BBX: variants seen among roughly 807,000 people sequenced by gnomAD.
BBX encodes BBX high mobility group box domain containing.
In BBX, 30 loss-of-function variants were observed where a neutral mutation model predicts 100.2. The ratio of observed to expected loss-of-function variants is 0.30; its 90% CI spans 0.22 to 0.41. BBX has a LOEUF of 0.41. Among genes scored for constraint, BBX ranks in the 10% least tolerant of loss-of-function variants. The pLI is 1.00. For synonymous variants in BBX, 376 were observed against 388.1 expected, an observed-to-expected ratio of 0.97 and a Z score of 0.37; for missense variants, 1,023 against 1,129.8, an observed-to-expected ratio of 0.91 and a Z score of 1.35.
rs772806132 is a variant in BBX, at chr3:107,716,730, T to C, written c.286T>C (p.Ser96Pro). ...TCTTTTATTTTGCAAACGCCATCGC[T>C]CTCTTGTACGTCAGGAACACCCCAG... ...AFLLFCKRHRSLVRQEHPRLD... is the reference protein window; with the variant it reads ...AFLLFCKRHRPLVRQEHPRLD... Residue 96 changes from serine to proline, a missense_variant, in exon 5 of 18, where the codon TCT (serine) becomes CCT (proline). Ser to Pro is a moderately conservative substitution (Grantham distance 74). Transcript: ENST00000325805. The C allele has an allele frequency of 1.2e-6, 2 of 1,613,810 alleles. No homozygotes were observed. The highest frequency in any genetic ancestry group is 2.2e-5 in the South Asian group (2 of 91,084).
chr3:107,792,235 G>A (rs1261380498), intron 15 of BBX, among the ~76,000 whole-genome samples: 1 of 152,154 alleles, frequency 6.6e-6, no homozygotes, highest in Non-Finnish European at 1.5e-5. Context: ...TATTTTAAAA[G>A]AGCTGACATT....
At chr3:107,589,765 A>G (rs2053163202) in intron 2 of BBX, among the ~76,000 whole-genome samples, 1 of 152,216 alleles carries the variant, frequency 6.6e-6, no homozygotes. Flanking sequence ...GAATTTCTCC[A>G]TGCCTGTTTT....
At chr3:107,552,815 G>T (rs2049802393) in intron 2 of BBX, among the ~76,000 whole-genome samples, 1 of 152,158 alleles carries the variant, frequency 6.6e-6, no homozygotes, top group Admixed American at 6.5e-5. Flanking sequence ...CTGAAGCACA[G>T]ATATATTTCA....
intron 2 of BBX, among the ~76,000 whole-genome samples, chr3:107,643,455 G>C (rs1370209096): frequency 6.6e-6 from 1 of 152,066 alleles, no homozygotes. Flanking sequence ...CTTGAAAAGG[G>C]AAAGACAAGT....
chr3:107,629,866 T>C (rs2056438197), intron 2 of BBX, among the ~76,000 whole-genome samples: 1 of 152,178 alleles, frequency 6.6e-6, no homozygotes, highest in Non-Finnish European at 1.5e-5. Flanking sequence ...GAGACTTTCC[T>C]CCAACACCAT....
chr3:107,589,763 C>G (rs1043553942), intron 2 of BBX, among the ~76,000 whole-genome samples: 13 of 152,164 alleles, frequency 8.5e-5, no homozygotes, highest in Admixed American at 3.3e-4. Flanking sequence ...CAGAATTTCT[C>G]CATGCCTGTT....
intron 2 of BBX, among the ~76,000 whole-genome samples, chr3:107,578,677 G>A (rs2052019743): frequency 6.6e-6 from 1 of 152,056 alleles, no homozygotes; most frequent in Admixed American, 6.6e-5. Context: ...TTCCCTGCCT[G>A]ACTCCATCTG....
intron 2 of BBX, among the ~76,000 whole-genome samples, chr3:107,549,085 G>A (rs2049463543): frequency 6.6e-6 from 1 of 152,038 alleles, no homozygotes; most frequent in South Asian, 2.1e-4. Flanking sequence ...TCAAACCTCA[G>A]CATCATGCAA....
chr3:107,556,382 A>G (rs2050100303), intron 2 of BBX, among the ~76,000 whole-genome samples: 3 of 152,280 alleles, frequency 2.0e-5, no homozygotes, highest in African/African-American at 7.2e-5. Flanking sequence ...TTTGAATTAG[A>G]TGCTGTTTAG....
At chr3:107,736,232 T>G (rs1164884533) in intron 7 of BBX, among the ~76,000 whole-genome samples, 1 of 151,936 alleles carries the variant, frequency 6.6e-6, no homozygotes, top group African/African-American at 2.4e-5. Flanking sequence ...AACCCCATAA[T>G]AATAAAGGAA....
At chr3:107,715,102 A>G (rs919482534) in intron 4 of BBX, among the ~76,000 whole-genome samples, 1 of 152,168 alleles carries the variant, frequency 6.6e-6, no homozygotes, top group African/African-American at 2.4e-5. Flanking sequence ...TAAAAATACC[A>G]GTTGGATTAA....
chr3:107,714,501 T>C (rs2061963151), intron 4 of BBX, among the ~76,000 whole-genome samples: 1 of 152,254 alleles, frequency 6.6e-6, no homozygotes, highest in Admixed American at 6.5e-5. Context: ...GTTACTCTTT[T>C]CTGAAGGGGA....
At chr3:107,591,059 T>A (rs548698186) in intron 2 of BBX, among the ~76,000 whole-genome samples, 1 of 152,252 alleles carries the variant, frequency 6.6e-6, no homozygotes, top group Admixed American at 6.5e-5. Flanking sequence ...CCCTTGTGAT[T>A]TGGCCAATTT....
intron 2 of BBX, among the ~76,000 whole-genome samples, chr3:107,619,027 C>T (rs1262184111): frequency 1.3e-5 from 2 of 151,878 alleles, no homozygotes; most frequent in African/African-American, 4.8e-5. Context: ...TCTGTTTCTC[C>T]TTTCGGTTCT....
intron 3 of BBX, chr3:107,663,021 A>G (rs1396106769): frequency 6.6e-6 from 1 of 152,198 alleles, no homozygotes; most frequent in Non-Finnish European, 1.5e-5. Flanking sequence ...TAGATACAAG[A>G]ATATTTATTG....
In BBX at chr3:107,793,261, A is replaced by G. The variant is rs2069241266; in HGVS notation, c.2353+1962A>G. 1.3e-5 allele frequency among the ~76,000 whole-genome samples: 2 copies of G among 152,130 alleles called. 1 individual carries two copies. Among genetic ancestry groups the G allele is most frequent in the South Asian group, 4.1e-4 (2 of 4,832 alleles). On this transcript the variant is annotated intron_variant, in intron 15 of 17. Transcript: ENST00000325805. Reference sequence around the variant, plus strand: ...GGGGCAGAAAAGTAAATCACTTTTGAGTCTTACAGGCAGTCCCAGGCTTTA... The same window carrying G: ...GGGGCAGAAAAGTAAATCACTTTTGGGTCTTACAGGCAGTCCCAGGCTTTA...
intron 16 of BBX, among the ~76,000 whole-genome samples, chr3:107,799,268 G>T (rs1409317406): frequency 6.6e-6 from 1 of 152,138 alleles, no homozygotes; most frequent in African/African-American, 2.4e-5. Context: ...TGCAGGCCAT[G>T]GGTTGGACAA....
intron 2 of BBX, among the ~76,000 whole-genome samples, chr3:107,565,505 C>G (rs993487986): frequency 5.3e-5 from 8 of 150,534 alleles, no homozygotes; most frequent in Non-Finnish European, 1.0e-4. Flanking sequence ...GAGTCTCACT[C>G]TGTTGCCCAG....
chr3:107,656,833 A>G (rs940696923), intron 3 of BBX, among the ~76,000 whole-genome samples: 5 of 152,242 alleles, frequency 3.3e-5, no homozygotes, highest in Non-Finnish European at 5.9e-5. Context: ...AGAGGGAGAT[A>G]TACAAATAAA....
Sources: gnomAD v4.1 joint callset for allele counts (sites outside exome capture counted in the v4.1 genomes callset) on GRCh38, gnomAD v4.1.1 for gene constraint, MANE v1.5 for transcripts, NCBI Gene and HGNC (gene_info 2026-07-23, HGNC 2026-07-21) for gene names.